The following CAMTA1 variants were observed in gnomAD, a reference collection of about 807,000 sequenced individuals.
The protein encoded by CAMTA1 is calmodulin-binding transcription activator 1.
Under a neutral mutation model 170.9 loss-of-function variants are expected in CAMTA1, and 27 were observed. The observed-to-expected ratio is 0.16, with a 90% confidence interval of 0.12 to 0.22. CAMTA1 has a LOEUF of 0.22. CAMTA1 is among the 10% of genes least tolerant of loss of function. The pLI is 1.00. For synonymous variants in CAMTA1, 833 were observed against 891.5 expected (o/e 0.93, Z 1.17); for missense variants, 1,619 against 2,217.2 (o/e 0.73, Z 5.42).
At chr1:6,901,590 A>T (rs1386104386) in intron 3 of CAMTA1, among the ~76,000 whole-genome samples, 1 of 152,242 alleles carries the variant, frequency 6.6e-6, no homozygotes, top group Non-Finnish European at 1.5e-5. Context: ...GGATACACAG[A>T]TGGCAACTAA....
intron 4 of CAMTA1, among the ~76,000 whole-genome samples, chr1:7,213,605 TA>T (rs1659176192): frequency 1.1e-5 from 1 of 87,916 alleles, no homozygotes; most frequent in Non-Finnish European, 2.1e-5. Context: ...TTCTTTTTTT[TA>T]AATTTCTTTT....
intron 4 of CAMTA1, among the ~76,000 whole-genome samples, chr1:7,160,066 A>G (rs989853658): frequency 6.6e-6 from 1 of 152,222 alleles, no homozygotes; most frequent in East Asian, 1.9e-4. Flanking sequence ...CCTGGCCAGC[A>G]TGGCAAAACC....
intron 4 of CAMTA1, among the ~76,000 whole-genome samples, chr1:7,132,709 T>A (rs1645333194): frequency 6.6e-6 from 1 of 152,112 alleles, no homozygotes; most frequent in South Asian, 2.1e-4. Context: ...AATAATAACG[T>A]ATTATATAGC....
rs1573121953 is a variant in CAMTA1 at position 7,109,159 on chromosome 1, C to T, written c.302+17788C>T. 4.6e-5 allele frequency among the ~76,000 whole-genome samples: 7 copies of T among 152,350 alleles called. 1 individual carries two copies. The South Asian group carries it at 1.4e-3, about 32-fold the overall frequency. ...AGAGTCTTTTTGAAAATAAATCTCA[C>T]AAGTGACATCCTTTCATTTTGCTGC... is the stretch of plus-strand genomic sequence containing the variant. On this transcript the variant is annotated intron_variant, in intron 4 of 22. Coordinates refer to ENST00000303635, the MANE Select transcript of CAMTA1 (RefSeq NM_015215.4).
intron 3 of CAMTA1, among the ~76,000 whole-genome samples, chr1:6,847,389 C>T (rs1658607818): frequency 6.6e-6 from 1 of 152,044 alleles, no homozygotes; most frequent in Non-Finnish European, 1.5e-5. Flanking sequence ...ACTTCCTTTC[C>T]TGTGCAAAGG....
chr1:7,487,251 T>A (rs1354224761), intron 6 of CAMTA1, among the ~76,000 whole-genome samples: 1 of 151,628 alleles, frequency 6.6e-6, no homozygotes, highest in Non-Finnish European at 1.5e-5. Context: ...GAGCAAAGAG[T>A]TGTGGCCACC....
intron 10 of CAMTA1, among the ~76,000 whole-genome samples, chr1:7,672,583 A>C (rs1342029914): frequency 6.6e-6 from 1 of 151,968 alleles, no homozygotes; most frequent in East Asian, 1.9e-4. Flanking sequence ...CACCACACCC[A>C]GCTAATTTTT....
At chr1:6,842,620 G>A (rs1167603021) in intron 3 of CAMTA1, among the ~76,000 whole-genome samples, 1 of 152,178 alleles carries the variant, frequency 6.6e-6, no homozygotes, top group Non-Finnish European at 1.5e-5. Context: ...AACAAATTGT[G>A]GTTAAAAGTA....
chr1:7,460,149 C>T (rs546117924), intron 5 of CAMTA1, among the ~76,000 whole-genome samples: 4 of 152,392 alleles, frequency 2.6e-5, no homozygotes, highest in African/African-American at 9.6e-5. Context: ...CTTCACCCCG[C>T]ATGCGGGACG....
chr1:7,187,669 C>G (rs1010728084), intron 4 of CAMTA1, among the ~76,000 whole-genome samples: 2 of 152,168 alleles, frequency 1.3e-5, no homozygotes, highest in Non-Finnish European at 2.9e-5. Flanking sequence ...TTCACCTGCC[C>G]TCTGGATTTC....
chr1:6,905,476 C>T (rs972575395), intron 3 of CAMTA1, among the ~76,000 whole-genome samples: 21 of 151,674 alleles, frequency 1.4e-4, no homozygotes, highest in African/African-American at 4.1e-4. Flanking sequence ...ATTACAGGCG[C>T]GAGCCACTAT....
rs2083153650 is a variant in CAMTA1 at position 7,333,356 on chromosome 1, A to T, written c.438+83730A>T. ...AGGGAGAGACCCGCAGGGGAGTCGG[A>T]TCTGACACGGGACCCCACGCTGCAG... On this transcript the variant is annotated intron_variant, in intron 5 of 22. Transcript: ENST00000303635. The surrounding 1 kb of genome is among the most constrained non-coding windows in gnomAD (Gnocchi z 4.4). 6.6e-6 allele frequency among the ~76,000 whole-genome samples: 1 copy of T among 152,182 alleles called. No homozygotes were observed. The highest frequency in any genetic ancestry group is 1.5e-5 in the Non-Finnish European group (1 of 68,034).
In CAMTA1 at chr1:7,565,899, C is replaced by T. The variant is rs2150297859; in HGVS notation, c.511-74501C>T. ...CCCTTCCTGGCTTGCAGACAGCCGC[C>T]TTCTCGCTGTGTCCTCACATAGTAG... On this transcript the variant is annotated intron_variant, in intron 6 of 22. Transcript: ENST00000303635. The surrounding 1 kb of genome is among the most constrained non-coding windows in gnomAD (Gnocchi z 4.5). 6.6e-6 allele frequency among the ~76,000 whole-genome samples: 1 copy of T among 151,958 alleles called. No individual in the cohort carries two copies. Among genetic ancestry groups the T allele is most frequent in the African/African-American group, 2.4e-5 (1 of 41,304 alleles).
chr1:7,407,360 C>A (rs2090373734), intron 5 of CAMTA1, among the ~76,000 whole-genome samples: 1 of 152,134 alleles, frequency 6.6e-6, no homozygotes. Flanking sequence ...CTTGGGGGAC[C>A]ACAGACAGGC....
intron 4 of CAMTA1, among the ~76,000 whole-genome samples, chr1:7,219,878 CAAAG>C (rs1029401409): frequency 2.3e-4 from 35 of 152,050 alleles, no homozygotes; most frequent in African/African-American, 8.2e-4. Flanking sequence ...TCTACCAAAA[CAAAG>C]AAAAAAGAAG....
In CAMTA1 at chr1:7,510,541, G is replaced by T. The variant is rs2149880372; in HGVS notation, c.510+42640G>T. 1.4e-5 allele frequency among the ~76,000 whole-genome samples: 2 copies of T among 146,684 alleles called. 1 individual carries two copies. The highest frequency in any genetic ancestry group is 3.1e-5 in the Non-Finnish European group (2 of 65,228). On this transcript the variant is annotated intron_variant, in intron 6 of 22. Coordinates refer to ENST00000303635, the MANE Select transcript of CAMTA1 (RefSeq NM_015215.4). ...TGTAGCTCGTACTATGACTGCGATGGGCAGAGCCCAGTCTGCCACAGGCAC... is the reference window on the plus strand; with the variant it reads ...TGTAGCTCGTACTATGACTGCGATGTGCAGAGCCCAGTCTGCCACAGGCAC...
At position 7,293,973 on chromosome 1, in the gene CAMTA1, C is replaced by T. The variant is rs1007492279; in HGVS notation, c.438+44347C>T. Among the ~76,000 whole-genome samples the T allele has an allele frequency of 6.6e-6, 1 of 152,226 alleles. No individual in the cohort carries two copies. ...CACCTGTTAAAGCTTGCAAAGATAT[C>T]ATCGGCAGGCATTTTCCCAGGGGAA... On this transcript the variant is annotated intron_variant, in intron 5 of 22. Coordinates refer to ENST00000303635, the MANE Select transcript of CAMTA1 (RefSeq NM_015215.4). The surrounding 1 kb of genome is among the most constrained non-coding windows in gnomAD (Gnocchi z 4.1).
At chr1:7,350,447 C>T (rs940308945) in intron 5 of CAMTA1, among the ~76,000 whole-genome samples, 1 of 152,202 alleles carries the variant, frequency 6.6e-6, no homozygotes, top group Non-Finnish European at 1.5e-5. Flanking sequence ...TTTTGTTAAT[C>T]TTACCCTCTC....
intron 11 of CAMTA1, among the ~76,000 whole-genome samples, chr1:7,695,909 T>C (rs963721749): frequency 6.6e-6 from 1 of 152,188 alleles, no homozygotes; most frequent in Non-Finnish European, 1.5e-5. Context: ...TTGCACAGAA[T>C]TGGGCCTTCC....
Sources: gnomAD v4.1 joint callset for allele counts (sites outside exome capture counted in the v4.1 genomes callset) on GRCh38, gnomAD v4.1.1 for gene constraint, Gnocchi (gnomAD v3.1) non-coding constraint, MANE v1.5 for transcripts, NCBI Gene and HGNC (gene_info 2026-07-23, HGNC 2026-07-21) for gene names.